Variants in CEMIP observed in about 807,000 individuals in gnomAD.
CEMIP encodes the protein cell migration-inducing and hyaluronan-binding protein.
A neutral mutation model predicts 156.9 loss-of-function variants in CEMIP; 105 were observed. The observed-to-expected ratio is 0.67, with a 90% CI of 0.57 to 0.79. The LOEUF (loss-of-function observed/expected upper bound fraction) is 0.79. Among genes scored for constraint, CEMIP ranks in the 30% least tolerant of loss-of-function variants. CEMIP has a pLI of 0.00. For missense variants in CEMIP, 1,457 were observed against 1,769.4 expected (o/e 0.82, Z 3.17); for synonymous variants, 676 against 668.4 (o/e 1.01, Z -0.17).
chr15:80,918,702 G>A (rs555303712), intron 14 of CEMIP, among the ~76,000 whole-genome samples: 2 of 152,300 alleles, frequency 1.3e-5, no homozygotes, highest in East Asian at 3.9e-4. Flanking sequence ...TGTAAGATAA[G>A]TGAGGTTTTT....
At chr15:80,814,202 C>T (rs1056452581) in intron 1 of CEMIP, among the ~76,000 whole-genome samples, 12 of 152,048 alleles carry the variant, frequency 7.9e-5, no homozygotes, top group Non-Finnish European at 1.6e-4. Flanking sequence ...GTGCCCGCCA[C>T]CACGCCTGGC....
Position 80,948,939 on chromosome 15 carries a change from C to G in CEMIP, c.*15C>G, listed in dbSNP as rs756437385. On this transcript the variant is annotated 3_prime_UTR_variant, in exon 30 of 30. Coordinates refer to ENST00000394685, the MANE Select transcript of CEMIP (RefSeq NM_001293298.2). ...AGAAGTTGTGAGGACAGCTGCCGCC[C>G]GGTGCCACCTCGTGGTAGACTATGA... is the stretch of plus-strand genomic sequence containing the variant. 1 of 1,614,112 alleles carries G rather than the reference C, an allele frequency of 6.2e-7. No homozygotes were observed.
chr15:80,860,132 T>C (rs1897950131), intron 1 of CEMIP, among the ~76,000 whole-genome samples: 1 of 152,236 alleles, frequency 6.6e-6, no homozygotes, highest in South Asian at 2.1e-4. Flanking sequence ...GTCTCTCCAG[T>C]GCTTCATTCC....
chr15:80,879,784 G>A lies in CEMIP; in HGVS notation c.310G>A (p.Gly104Arg), dbSNP rs1417995800. The A allele has an allele frequency of 8.1e-6, 13 of 1,614,064 alleles. No homozygotes were observed. The highest frequency in any genetic ancestry group is 2.7e-5 in the African/African-American group (2 of 74,918). ...LRTRHILIDN[G>R]GELHAGSALC... is the part of the protein sequence containing the mutation. The stretch of plus-strand genomic sequence containing the variant: ...AACCCGGCACATCCTGATTGACAAC[G>A]GAGGAGAGCTGCATGCTGGGAGTGC... The change falls in exon 5 of 30, where the codon GGA becomes AGA. Residue 104 changes from glycine (G) to arginine (R), a missense_variant. By Grantham distance (125) the Gly-to-Arg change is moderately radical. Coordinates refer to ENST00000394685, the MANE Select transcript of CEMIP (RefSeq NM_001293298.2).
intron 1 of CEMIP, among the ~76,000 whole-genome samples, chr15:80,871,262 G>A (rs1898280494): frequency 6.6e-6 from 1 of 152,216 alleles, no homozygotes; most frequent in South Asian, 2.1e-4. Context: ...GCTCAGCAAT[G>A]TGGGATTAGC....
At chr15:80,797,388 A>AGTGCAGGGAGGACAGAGGC (rs1896257111) in intron 1 of CEMIP, among the ~76,000 whole-genome samples, 3 of 152,018 alleles carry the variant, frequency 2.0e-5, no homozygotes, top group South Asian at 2.1e-4. Flanking sequence ...GGGTAGGGAG[A>AGTGCAGGGAGGACAGAGGC]GTGCAGGGAG....
At position 80,948,784 on chromosome 15, in the gene CEMIP, C is replaced by A. The variant is rs371037130; in HGVS notation, c.3959-13C>A. On this transcript the variant is annotated splice_polypyrimidine_tract_variant and intron_variant, in intron 29 of 29. Coordinates refer to ENST00000394685, the MANE Select transcript of CEMIP (RefSeq NM_001293298.2). ...TAGGGCTTTTGCTCAGGAGACTCATCATTGCTTTTCAGAGCAAATGGCATT... is the reference window on the plus strand; with the variant it reads ...TAGGGCTTTTGCTCAGGAGACTCATAATTGCTTTTCAGAGCAAATGGCATT... 6 of 1,614,084 alleles carry A rather than the reference C, an allele frequency of 3.7e-6. No homozygotes were observed. In the South Asian group the frequency reaches 6.6e-5, roughly 18 times the overall value.
At chr15:80,896,261 G>C in intron 12 of CEMIP, 1 of 695,740 alleles carries the variant, frequency 1.4e-6, no homozygotes, top group Non-Finnish European at 2.6e-6. Flanking sequence ...AGCTTCTCTA[G>C]ACTGAGCCTG....
At chr15:80,941,316 G>C (rs973598635) in intron 25 of CEMIP, among the ~76,000 whole-genome samples, 2 of 152,110 alleles carry the variant, frequency 1.3e-5, no homozygotes, top group African/African-American at 4.8e-5. Flanking sequence ...CTGTAACACT[G>C]GGTCAGCTTC....
In CEMIP at chr15:80,948,908, A is replaced by T; in HGVS notation, c.4070A>T (p.Lys1357Met). The T allele has an allele frequency of 4.5e-6, 7 of 1,559,644 alleles. No individual in the cohort carries two copies. Among genetic ancestry groups the T allele is most frequent in the Non-Finnish European group, 5.3e-6 (6 of 1,130,358 alleles). Residue 1357 changes from lysine to methionine, a missense_variant, in exon 30 of 30, where the codon AAG (lysine) becomes ATG (methionine). Around this residue, in one of 5 missense-constraint regions of CEMIP, gnomAD observed 798 missense variants for 980.1 expected, o/e 0.81. Coordinates refer to ENST00000394685, the MANE Select transcript of CEMIP (RefSeq NM_001293298.2). Reference sequence around the variant, plus strand: ...CAAGTTGTGCCCATCCCTGTGGTGAAGAAGAAGAAGTTGTGAGGACAGCTG... The same window carrying T: ...CAAGTTGTGCCCATCCCTGTGGTGATGAAGAAGAAGTTGTGAGGACAGCTG... ...IFQVVPIPVV[K>M]KKKL
Position 80,879,669 on chromosome 15 carries a change from C to T in CEMIP, c.242-47C>T, listed in dbSNP as rs775581843. Reference sequence around the variant, plus strand: ...TGCCCTTGGCTCTGATATAACCTTACCCTTAACACTGTGTTATTAAACCTC... The same window carrying T: ...TGCCCTTGGCTCTGATATAACCTTATCCTTAACACTGTGTTATTAAACCTC... On this transcript the variant is annotated intron_variant, in intron 4 of 29. Coordinates refer to ENST00000394685, the MANE Select transcript of CEMIP (RefSeq NM_001293298.2). The T allele has an allele frequency of 3.7e-6, 6 of 1,612,858 alleles. No homozygotes were observed. In the East Asian group the frequency reaches 8.9e-5, roughly 24 times the overall value.
At chr15:80,921,140 T>C in intron 16 of CEMIP, 39 bp downstream of exon 16, 1 of 1,584,972 alleles carries the variant, frequency 6.3e-7, no homozygotes, top group Non-Finnish European at 8.7e-7. Flanking sequence ...AAAGTGAGGG[T>C]GGGGGCTGGA....
At chr15:80,825,379 G>A (rs570966521) in intron 1 of CEMIP, among the ~76,000 whole-genome samples, 1 of 152,188 alleles carries the variant, frequency 6.6e-6, no homozygotes, top group African/African-American at 2.4e-5. Context: ...ACACATAGTA[G>A]TGAATAGCTG....
Position 80,929,160 on chromosome 15 carries a change from C to A in CEMIP, c.2598C>A (p.Thr866=), listed in dbSNP as rs1164787452. The part of the protein sequence containing the change: ...GPGGLDHSGR[T]LPIGQNFPIR... ...GCGGCTTGGACCATAGCGGAAGGAC[C>A]CTCCCTATAGGCCAGTAGGTTTGCA... is the stretch of plus-strand genomic sequence containing the variant. The change falls in exon 21 of 30, where the codon ACC becomes ACA. Residue 866 remains threonine, a synonymous_variant. Transcript: ENST00000394685. 4 of 1,614,166 alleles carry A rather than the reference C, an allele frequency of 2.5e-6. No individual in the cohort carries two copies. Among genetic ancestry groups the A allele is most frequent in the Non-Finnish European group, 3.4e-6 (4 of 1,180,034 alleles).
intron 1 of CEMIP, among the ~76,000 whole-genome samples, chr15:80,843,654 A>C (rs905113501): frequency 6.6e-6 from 1 of 152,230 alleles, no homozygotes; most frequent in Non-Finnish European, 1.5e-5. Flanking sequence ...GTCATAGAAT[A>C]GTTCCTTCTA....
chr15:80,866,067 G>A (rs1057360199), intron 1 of CEMIP, among the ~76,000 whole-genome samples: 3 of 152,190 alleles, frequency 2.0e-5, no homozygotes, highest in Non-Finnish European at 4.4e-5. Context: ...ATTGGCAAAG[G>A]CTTTGGAACC....
intron 14 of CEMIP, among the ~76,000 whole-genome samples, chr15:80,919,389 G>A (rs892958630): frequency 1.8e-4 from 28 of 152,310 alleles, no homozygotes; most frequent in African/African-American, 6.0e-4. Flanking sequence ...TGCTCCATCA[G>A]GGTGGGTGCA....
rs146168315 is a variant in CEMIP, at chr15:80,855,091, A to C, written c.-175-18447A>C. On this transcript the variant is annotated intron_variant, in intron 1 of 29. Transcript: ENST00000394685. ...AGTCCTAGCCACTCAGGTGGCTGAG[A>C]TGGAAGGATCGCTTGAGTACAGGGG... 5.3e-3 allele frequency among the ~76,000 whole-genome samples: 809 copies of C among 152,312 alleles called. 11 individuals carry two copies. The highest frequency in any genetic ancestry group is 0.015 in the African/African-American group (616 of 41,568).
At chr15:80,814,747 C>T (rs1386972294) in intron 1 of CEMIP, among the ~76,000 whole-genome samples, 1 of 152,184 alleles carries the variant, frequency 6.6e-6, no homozygotes, top group African/African-American at 2.4e-5. Context: ...GAATGAATGG[C>T]TATGAGAGAG....
Sources: allele counts gnomAD v4.1 joint callset (sites outside exome capture counted in the v4.1 genomes callset), GRCh38; gene constraint gnomAD v4.1.1; regional missense constraint gnomAD v4.1.1; transcripts MANE v1.5; gene names NCBI Gene and HGNC (gene_info 2026-07-23, HGNC 2026-07-21).